ADAMTSL1: variants seen among roughly 807,000 people sequenced by gnomAD.
The protein encoded by ADAMTSL1 is ADAMTS like 1, also known as ADAMTS-like protein 1.
In ADAMTSL1, 126 loss-of-function variants were observed where a neutral mutation model predicts 201.8. The ratio of observed to expected loss-of-function variants is 0.62; its 90% CI spans 0.54 to 0.72. ADAMTSL1 has a LOEUF of 0.72. Among genes scored for constraint, ADAMTSL1 ranks in the 30% least tolerant of loss-of-function variants. ADAMTSL1 has a pLI of 0.00. For missense variants in ADAMTSL1, 2,679 were observed against 2,277.8 expected (o/e 1.18, Z -3.59); for synonymous variants, 1,121 against 903.4 (o/e 1.24, Z -4.32).
At chr9:18,014,966 G>T (rs1820198631) in intron 1 of ADAMTSL1, among the ~76,000 whole-genome samples, 1 of 152,032 alleles carries the variant, frequency 6.6e-6, no homozygotes, top group Admixed American at 6.6e-5. Flanking sequence ...GTTAATCTCG[G>T]CTGTAGACAT....
intron 2 of ADAMTSL1, among the ~76,000 whole-genome samples, chr9:18,441,325 T>G (rs565095501): frequency 1.3e-5 from 2 of 152,302 alleles, no homozygotes; most frequent in South Asian, 4.1e-4. Context: ...ATCTCAATTT[T>G]TAAAAAGGAA....
At chr9:18,729,020 A>G (rs534642243) in intron 15 of ADAMTSL1, among the ~76,000 whole-genome samples, 2 of 152,340 alleles carry the variant, frequency 1.3e-5, no homozygotes, top group East Asian at 3.9e-4. Context: ...AGAGTCAAAA[A>G]TAAATAGTGT....
chr9:18,709,130 A>G (rs569956377), intron 14 of ADAMTSL1, among the ~76,000 whole-genome samples: 4 of 152,304 alleles, frequency 2.6e-5, no homozygotes, highest in Non-Finnish European at 5.9e-5. Flanking sequence ...CAGTTATGTC[A>G]CTGTGCCAAG....
At chr9:18,683,350 G>A (rs867925336) in intron 12 of ADAMTSL1, among the ~76,000 whole-genome samples, 4 of 151,660 alleles carry the variant, frequency 2.6e-5, no homozygotes, top group Non-Finnish European at 4.4e-5. Flanking sequence ...TCAGCCTCCG[G>A]AGTAACTGGG....
chr9:17,922,145 T>C (rs76769659), intron 1 of ADAMTSL1, among the ~76,000 whole-genome samples: 1,657 of 152,016 alleles, frequency 0.011, 26 homozygotes, highest in African/African-American at 0.038. Flanking sequence ...GAAATAATTT[T>C]TGAATAGTTA....
intron 2 of ADAMTSL1, among the ~76,000 whole-genome samples, chr9:18,334,614 C>T (rs970638581): frequency 6.6e-6 from 1 of 152,108 alleles, no homozygotes; most frequent in African/African-American, 2.4e-5. Context: ...TACAAATCAT[C>T]TTCTATATAA....
chr9:18,235,627 C>T (rs1830818602), intron 2 of ADAMTSL1, among the ~76,000 whole-genome samples: 1 of 152,174 alleles, frequency 6.6e-6, no homozygotes, highest in Non-Finnish European at 1.5e-5. Flanking sequence ...ATGTAGTATA[C>T]ATATTTCCAT....
At chr9:18,251,292 G>T (rs1158139921) in intron 2 of ADAMTSL1, among the ~76,000 whole-genome samples, 2 of 151,946 alleles carry the variant, frequency 1.3e-5, no homozygotes, top group Admixed American at 1.3e-4. Context: ...GATAAAAACA[G>T]GAAAAATAAT....
intron 1 of ADAMTSL1, among the ~76,000 whole-genome samples, chr9:17,915,711 C>T (rs1436799615): frequency 6.6e-6 from 1 of 152,148 alleles, no homozygotes; most frequent in South Asian, 2.1e-4. Flanking sequence ...TTGCCAATAC[C>T]TGGTGTGGTC....
At position 18,829,944 on chromosome 9, in the gene ADAMTSL1, C is replaced by T; in HGVS notation, c.4216C>T (p.Leu1406=). 1 of 1,613,496 alleles carries T rather than the reference C, an allele frequency of 6.2e-7. No homozygotes were observed. The highest frequency in any genetic ancestry group is 8.5e-7 in the Non-Finnish European group (1 of 1,179,718). ...SVLTSPLGTQ[L]VLDPGNSALL... ...GCTGACGTCTCCTCTGGGAACACAGCTGGTCCTGGATCCTGGGAATTCTGC... is the reference window on the plus strand; with the variant it reads ...GCTGACGTCTCCTCTGGGAACACAGTTGGTCCTGGATCCTGGGAATTCTGC... Residue 1406 remains leucine, a synonymous_variant, in exon 23 of 29, where the codon CTG becomes TTG. Coordinates refer to ENST00000380548, the MANE Select transcript of ADAMTSL1 (RefSeq NM_001040272.6).
intron 23 of ADAMTSL1, among the ~76,000 whole-genome samples, chr9:18,880,238 C>A (rs371994355): frequency 2.0e-5 from 3 of 152,108 alleles, no homozygotes; most frequent in East Asian, 1.9e-4. Flanking sequence ...GTATTTTGAC[C>A]TCCTCCCATG....
At chr9:18,167,194 A>T (rs1465983313) in intron 2 of ADAMTSL1, among the ~76,000 whole-genome samples, 1 of 152,002 alleles carries the variant, frequency 6.6e-6, no homozygotes, top group African/African-American at 2.4e-5. Flanking sequence ...TGTAAGCTGG[A>T]TGCAAAAACA....
At chr9:18,272,255 A>G (rs1832401808) in intron 2 of ADAMTSL1, among the ~76,000 whole-genome samples, 1 of 152,182 alleles carries the variant, frequency 6.6e-6, no homozygotes, top group African/African-American at 2.4e-5. Context: ...GTACCAAAAC[A>G]GAGATATAAA....
chr9:18,741,866 C>T (rs568065907), intron 15 of ADAMTSL1, among the ~76,000 whole-genome samples: 128 of 152,272 alleles, frequency 8.4e-4, no homozygotes, highest in African/African-American at 3.0e-3. Context: ...GTTGCTACTT[C>T]AAGGTCAAGG....
intron 23 of ADAMTSL1, among the ~76,000 whole-genome samples, chr9:18,870,177 G>A (rs550025525): frequency 3.3e-5 from 5 of 152,172 alleles, no homozygotes; most frequent in Non-Finnish European, 7.3e-5. Flanking sequence ...GCTGCTTAAA[G>A]TCAGTGTCCA....
chr9:18,010,966 A>G (rs183538248), intron 1 of ADAMTSL1, among the ~76,000 whole-genome samples: 39 of 152,108 alleles, frequency 2.6e-4, no homozygotes, highest in Admixed American at 1.4e-3. Flanking sequence ...TATGAGTATT[A>G]AATTCTATAA....
chr9:18,372,987 G>A (rs1421186468), intron 2 of ADAMTSL1, among the ~76,000 whole-genome samples: 3 of 152,184 alleles, frequency 2.0e-5, no homozygotes, highest in African/African-American at 7.2e-5. Flanking sequence ...AACTCCTAAA[G>A]TGAGAGTGAG....
intron 1 of ADAMTSL1, among the ~76,000 whole-genome samples, chr9:18,114,856 A>G (rs1180241089): frequency 6.6e-6 from 1 of 152,158 alleles, no homozygotes; most frequent in African/African-American, 2.4e-5. Flanking sequence ...AAATCTGTGT[A>G]GGCAGGCCTA....
At chr9:18,131,563 A>G (rs1825955190) in intron 1 of ADAMTSL1, among the ~76,000 whole-genome samples, 1 of 152,114 alleles carries the variant, frequency 6.6e-6, no homozygotes, top group African/African-American at 2.4e-5. Context: ...AGCTTCCAAG[A>G]TTACTCTCTT....
Sources: gnomAD v4.1 joint callset for allele counts (sites outside exome capture counted in the v4.1 genomes callset) on GRCh38, gnomAD v4.1.1 for gene constraint, MANE v1.5 for transcripts, NCBI Gene and HGNC (gene_info 2026-07-23, HGNC 2026-07-21) for gene names.